Variants in SPTLC1 observed in about 807,000 individuals in gnomAD.
SPTLC1 encodes serine palmitoyltransferase long chain base subunit 1.
SPTLC1 carries 55 observed loss-of-function variants against 68.9 expected under a neutral mutation model. That is an observed-to-expected ratio of 0.80 (90% CI 0.64 to 1.00). The LOEUF (loss-of-function observed/expected upper bound fraction) is 1.00. SPTLC1 is among the 50% of genes least tolerant of loss of function. The probability of loss-of-function intolerance (pLI) is 0.00; values close to 1 mark genes in which losing one functional copy is unlikely to be tolerated. For synonymous variants in SPTLC1, 197 were observed against 201.6 expected (o/e 0.98, Z 0.19); for missense variants, 449 against 573.1 (o/e 0.78, Z 2.21).
At chr9:92,099,493 T>G (rs1835665927) in intron 3 of SPTLC1, among the ~76,000 whole-genome samples, 1 of 151,966 alleles carries the variant, frequency 6.6e-6, no homozygotes, top group African/African-American at 2.4e-5. Flanking sequence ...TTTTTTTTTT[T>G]TTTTAAGACA....
At chr9:92,079,642 G>A (rs1156723283) in intron 5 of SPTLC1, 4 of 1,347,798 alleles carry the variant, frequency 3.0e-6, no homozygotes, top group African/African-American at 2.9e-5. Context: ...TTTCTTCCTA[G>A]AGCTGTTTCT....
intron 3 of SPTLC1, among the ~76,000 whole-genome samples, chr9:92,089,489 C>T (rs1303010069): frequency 6.6e-6 from 1 of 151,960 alleles, no homozygotes; most frequent in East Asian, 1.9e-4. Flanking sequence ...ATCTAAGAGC[C>T]AATAAAATTA....
intron 13 of SPTLC1, among the ~76,000 whole-genome samples, chr9:92,037,727 A>G (rs1833191817): frequency 6.6e-6 from 1 of 151,904 alleles, no homozygotes; most frequent in Non-Finnish European, 1.5e-5. Context: ...AAATTTAAAT[A>G]AATCTCCCCA....
chr9:92,046,433 GAT>G (rs2118442534), intron 11 of SPTLC1: 1 of 193,908 alleles, frequency 5.2e-6, no homozygotes, highest in East Asian at 1.3e-4. Flanking sequence ...ATCTTTTCTT[GAT>G]ATTTTCCTTT....
chr9:92,076,757 T>C (rs1026874753), intron 5 of SPTLC1: 2 of 152,210 alleles, frequency 1.3e-5, no homozygotes, highest in Admixed American at 6.5e-5. Flanking sequence ...GATTGGCAAA[T>C]TGACTCTACT....
chr9:92,068,210 G>T, intron 5 of SPTLC1, 112 bp from the exon 6 acceptor site: 1 of 1,002,262 alleles, frequency 1.0e-6, no homozygotes, highest in African/African-American at 1.6e-5. Flanking sequence ...TCACCTTATG[G>T]CCAAAATGGA....
chr9:92,083,690 G>T (rs1834992283), intron 3 of SPTLC1, among the ~76,000 whole-genome samples: 1 of 152,050 alleles, frequency 6.6e-6, no homozygotes, highest in Non-Finnish European at 1.5e-5. Context: ...CTCCAGCTTT[G>T]TTCTTTTGGC....
intron 5 of SPTLC1, among the ~76,000 whole-genome samples, chr9:92,075,653 TAG>T (rs2118649455): frequency 6.6e-6 from 1 of 152,302 alleles, no homozygotes; most frequent in Non-Finnish European, 1.5e-5. Flanking sequence ...CTTATACTCT[TAG>T]AGTCTCTCAA....
At chr9:92,078,661 C>T (rs1310560906) in intron 5 of SPTLC1, among the ~76,000 whole-genome samples, 1 of 152,188 alleles carries the variant, frequency 6.6e-6, no homozygotes. Flanking sequence ...CACTACATTG[C>T]CCAGGCTAGT....
chr9:92,077,737 T>C (rs1174006718), intron 5 of SPTLC1, among the ~76,000 whole-genome samples: 1 of 152,208 alleles, frequency 6.6e-6, no homozygotes, highest in Non-Finnish European at 1.5e-5. Context: ...TTCACGCTTT[T>C]ACTCCAGACC....
At chr9:92,034,218 C>T (rs181395886) in intron 14 of SPTLC1, among the ~76,000 whole-genome samples, 1 of 152,378 alleles carries the variant, frequency 6.6e-6, no homozygotes, top group Non-Finnish European at 1.5e-5. Flanking sequence ...TCCATGCCCC[C>T]TGCTGTGACT....
At chr9:92,036,501 A>G (rs118052577) in intron 13 of SPTLC1, among the ~76,000 whole-genome samples, 6,948 of 152,318 alleles carry the variant, frequency 0.046, 234 homozygotes, top group Middle Eastern at 0.065. Flanking sequence ...CTGTCCCTCA[A>G]CATGAAGCAT....
chr9:92,079,665 T>C, intron 5 of SPTLC1: 4 of 1,049,408 alleles, frequency 3.8e-6, no homozygotes, highest in Non-Finnish European at 6.0e-6. Context: ...GCCCCCTGCG[T>C]GGCTAGTCAT....
At chr9:92,040,172 C>T (rs553040518) in intron 12 of SPTLC1, among the ~76,000 whole-genome samples, 1 of 152,016 alleles carries the variant, frequency 6.6e-6, no homozygotes, top group South Asian at 2.1e-4. Context: ...GAGTTTGAGA[C>T]CAGCCTGGCC....
chr9:92,054,512 G>A (rs1460418797), intron 8 of SPTLC1, among the ~76,000 whole-genome samples: 1 of 152,148 alleles, frequency 6.6e-6, no homozygotes, highest in Non-Finnish European at 1.5e-5. Context: ...TGTGGTGGTG[G>A]ATGGCTGCAG....
In SPTLC1 at chr9:92,108,850, A is replaced by G; in HGVS notation, c.166-16T>C. The G allele has an allele frequency of 6.3e-7, 1 of 1,576,886 alleles. No individual in the cohort carries two copies. The highest frequency in any genetic ancestry group is 8.7e-7 in the Non-Finnish European group (1 of 1,154,920). ...CTTCTTTTTCCTACAGGAGAAAAAG[A>G]ATTAAAATACAGTGCAGTGCTAATA... On this transcript the variant is annotated splice_polypyrimidine_tract_variant and intron_variant, in intron 2 of 14. Transcript: ENST00000262554.
chr9:92,077,371 A>G (rs1461650663), intron 5 of SPTLC1, among the ~76,000 whole-genome samples: 2 of 152,080 alleles, frequency 1.3e-5, no homozygotes, highest in Non-Finnish European at 2.9e-5. Flanking sequence ...AGTTCTTGTT[A>G]AGAACCTGAC....
At chr9:92,105,719 G>A (rs1835942710) in intron 3 of SPTLC1, among the ~76,000 whole-genome samples, 1 of 150,954 alleles carries the variant, frequency 6.6e-6, no homozygotes, top group African/African-American at 2.4e-5. Context: ...CCTCTGCCTG[G>A]CCGCCTCACA....
At chr9:92,064,680 A>G (rs773332938) in intron 6 of SPTLC1, among the ~76,000 whole-genome samples, 6 of 152,214 alleles carry the variant, frequency 3.9e-5, no homozygotes, top group South Asian at 2.1e-4. Context: ...CTTTTTTTTT[A>G]TAACAGCACA....
Sources: gnomAD v4.1 joint callset for allele counts (sites outside exome capture counted in the v4.1 genomes callset) on GRCh38, gnomAD v4.1.1 for gene constraint, MANE v1.5 for transcripts, NCBI Gene and HGNC (gene_info 2026-07-23, HGNC 2026-07-21) for gene names.